The following CAPZA2 variants were observed in gnomAD, a reference collection of about 807,000 sequenced individuals.
CAPZA2 encodes the protein capping actin protein of muscle Z-line subunit alpha 2.
Under a neutral mutation model 44.0 loss-of-function variants are expected in CAPZA2, and 13 were observed. The ratio of observed to expected loss-of-function variants is 0.30; its 90% confidence interval spans 0.19 to 0.47. CAPZA2 has a LOEUF of 0.47. Ranked by LOEUF, CAPZA2 falls within the 20% of genes least tolerant of loss-of-function variation. The probability of loss-of-function intolerance (pLI) is 1.00; values close to 1 mark genes in which losing one functional copy is unlikely to be tolerated. For missense variants in CAPZA2, 244 were observed against 338.6 expected (o/e 0.72, Z 2.19); for synonymous variants, 94 against 108.2 (o/e 0.87, Z 0.81).
At chr7:116,904,487 G>T in intron 5 of CAPZA2, 104 bp downstream of exon 5, 5 of 689,458 alleles carry the variant, frequency 7.3e-6, no homozygotes, top group South Asian at 2.1e-5. Flanking sequence ...TGTATAATTT[G>T]TCATTTTTTT....
intron 1 of CAPZA2, among the ~76,000 whole-genome samples, chr7:116,876,742 T>C (rs893559583): frequency 2.0e-5 from 3 of 152,072 alleles, no homozygotes; most frequent in Non-Finnish European, 4.4e-5. Context: ...AATTGGGAGG[T>C]TGACAGAACA....
chr7:116,870,221 T>C (rs989175286), intron 1 of CAPZA2, among the ~76,000 whole-genome samples: 1 of 152,182 alleles, frequency 6.6e-6, no homozygotes, highest in African/African-American at 2.4e-5. Flanking sequence ...ATTGGACATA[T>C]GTAATATACA....
At chr7:116,890,575 T>TAC in intron 2 of CAPZA2, among the ~76,000 whole-genome samples, 1 of 21,664 alleles carries the variant, frequency 4.6e-5, no homozygotes, top group African/African-American at 2.0e-4. Flanking sequence ...TATACACATA[T>TAC]ATATATATAT....
intron 1 of CAPZA2, among the ~76,000 whole-genome samples, chr7:116,864,287 G>C (rs1234825918): frequency 6.6e-6 from 1 of 152,088 alleles, no homozygotes; most frequent in Admixed American, 6.6e-5. Context: ...AGTTAATATA[G>C]ACCTGCCATG....
At position 116,919,014 on chromosome 7, in the gene CAPZA2, G is replaced by C. The variant is rs1791723321; in HGVS notation, c.*1147G>C. ...TGGTTTCATTCAATAGAGTATTGCTGATTATACTTGAGTGGAATCCTTTCC... is the reference window on the plus strand; with the variant it reads ...TGGTTTCATTCAATAGAGTATTGCTCATTATACTTGAGTGGAATCCTTTCC... On this transcript the variant is annotated 3_prime_UTR_variant, in exon 10 of 10. Coordinates refer to ENST00000361183, the MANE Select transcript of CAPZA2 (RefSeq NM_006136.3). 1 of 151,884 alleles carries C rather than the reference G, an allele frequency of 6.6e-6. No individual in the cohort carries two copies. The highest frequency in any genetic ancestry group is 6.6e-5 in the Admixed American group (1 of 15,258). The allele number at this position is 151,884 out of a possible 1,614,324, so 9.4% of individuals were successfully genotyped here. A position where few individuals can be genotyped will look rare whatever the true frequency, so the allele number is the denominator to read the frequency against.
Position 116,920,140 on chromosome 7 carries a change from G to T in CAPZA2, c.*2273G>T, listed in dbSNP as rs1054365351. 9 of 151,738 alleles carry T rather than the reference G, an allele frequency of 5.9e-5. No individual in the cohort carries two copies. The highest frequency in any genetic ancestry group is 8.8e-5 in the Non-Finnish European group (6 of 68,020). 9.4% of individuals were successfully genotyped at this position (151,738 alleles called of 1,614,324 possible). On this transcript the variant is annotated 3_prime_UTR_variant, in exon 10 of 10. Transcript: ENST00000361183. ...CGCGCCTGTAATCCCAACTACTCAG[G>T]AGGCTGAGACAGGAGAATCATTTGA...
At chr7:116,909,311 G>A (rs1018025736) in intron 6 of CAPZA2, among the ~76,000 whole-genome samples, 7 of 152,160 alleles carry the variant, frequency 4.6e-5, no homozygotes, top group Non-Finnish European at 8.8e-5. Context: ...TGTCCTTAGC[G>A]TGCAGAGAGC....
At chr7:116,881,763 A>AT (rs1796706984) in intron 1 of CAPZA2, among the ~76,000 whole-genome samples, 1 of 149,728 alleles carries the variant, frequency 6.7e-6, no homozygotes, top group Non-Finnish European at 1.5e-5. Context: ...AAAAAAAAAA[A>AT]TTACATCACT....
chr7:116,866,686 A>G (rs1796488247), intron 1 of CAPZA2, among the ~76,000 whole-genome samples: 1 of 152,244 alleles, frequency 6.6e-6, no homozygotes, highest in African/African-American at 2.4e-5. Flanking sequence ...CTGATGGGAA[A>G]GATCGTTTTT....
intron 4 of CAPZA2, among the ~76,000 whole-genome samples, chr7:116,902,131 C>CT (rs1280664438): frequency 4.0e-5 from 6 of 151,872 alleles, no homozygotes; most frequent in Admixed American, 2.6e-4. Flanking sequence ...TAACTGGTTT[C>CT]TATAAGAAGA....
chr7:116,871,528 A>G (rs998667168), intron 1 of CAPZA2, among the ~76,000 whole-genome samples: 1 of 152,220 alleles, frequency 6.6e-6, no homozygotes, highest in African/African-American at 2.4e-5. Flanking sequence ...GTGGCCTTCA[A>G]GAGAATAATT....
At chr7:116,896,985 A>C (rs1230618098) in intron 3 of CAPZA2, among the ~76,000 whole-genome samples, 1 of 152,114 alleles carries the variant, frequency 6.6e-6, no homozygotes, top group African/African-American at 2.4e-5. Flanking sequence ...GTACTGTGTA[A>C]TTGTCACCAT....
chr7:116,908,347 T>C (rs547875544), intron 6 of CAPZA2, among the ~76,000 whole-genome samples: 1 of 152,314 alleles, frequency 6.6e-6, no homozygotes, highest in South Asian at 2.1e-4. Flanking sequence ...AGATGTTTCT[T>C]AGATTTCAGT....
intron 8 of CAPZA2, among the ~76,000 whole-genome samples, chr7:116,914,560 C>T (rs1047861655): frequency 1.3e-5 from 2 of 152,106 alleles, no homozygotes. Context: ...ATCCTGGGCT[C>T]AAGCCATCCT....
intron 9 of CAPZA2, 92 bp downstream of exon 9, chr7:116,916,214 T>C: frequency 7.6e-7 from 1 of 1,312,232 alleles, no homozygotes; most frequent in African/African-American, 1.5e-5. Context: ...ATTTTTCCAT[T>C]GCATCAGTTA....
intron 1 of CAPZA2, chr7:116,875,037 G>C (rs1324407066): frequency 6.6e-6 from 1 of 152,254 alleles, no homozygotes; most frequent in South Asian, 2.1e-4. Flanking sequence ...TGCAGTGAGC[G>C]GGGATGGTAC....
chr7:116,890,525 A>AAATAT (rs1554409611), intron 2 of CAPZA2, among the ~76,000 whole-genome samples: 1 of 27,220 alleles, frequency 3.7e-5, no homozygotes, highest in Non-Finnish European at 6.2e-5. Flanking sequence ...AAAAAAAAAA[A>AAATAT]ATATATATAT....
intron 1 of CAPZA2, among the ~76,000 whole-genome samples, chr7:116,881,730 C>A (rs185840172): frequency 8.1e-6 from 1 of 123,496 alleles, no homozygotes; most frequent in Non-Finnish European, 1.6e-5. Flanking sequence ...CAGAGTGAGA[C>A]TCTGTCTCAA....
intron 3 of CAPZA2, among the ~76,000 whole-genome samples, chr7:116,897,375 A>G (rs1017524923): frequency 2.6e-5 from 4 of 152,148 alleles, no homozygotes; most frequent in African/African-American, 9.7e-5. Flanking sequence ...ACACTTCTGT[A>G]TTCAATGTCA....
Sources: allele counts gnomAD v4.1 joint callset (sites outside exome capture counted in the v4.1 genomes callset), GRCh38; gene constraint gnomAD v4.1.1; transcripts MANE v1.5; gene names NCBI Gene and HGNC (gene_info 2026-07-23, HGNC 2026-07-21).